The following XPR1 variants were observed in gnomAD, a reference collection of about 807,000 sequenced individuals.
XPR1 encodes the protein solute carrier family 53 member 1.
A neutral mutation model predicts 87.5 loss-of-function variants in XPR1; 28 were observed. That is an observed-to-expected ratio of 0.32 (90% CI 0.24 to 0.44). XPR1 has a LOEUF of 0.44. Ranked by LOEUF, XPR1 falls within the 20% of genes least tolerant of loss-of-function variation. XPR1 has a pLI of 1.00. For synonymous variants in XPR1, 300 were observed against 306.1 expected, an observed-to-expected ratio of 0.98 and a Z score of 0.21; for missense variants, 559 against 862.3, an observed-to-expected ratio of 0.65 and a Z score of 4.41.
chr1:180,779,517 G>A (rs1648855020), intron 2 of XPR1, among the ~76,000 whole-genome samples: 1 of 152,132 alleles, frequency 6.6e-6, no homozygotes, highest in African/African-American at 2.4e-5. Flanking sequence ...CATTTTGGGA[G>A]GCTGAGGCAG....
At chr1:180,791,716 G>A (rs1490138778) in intron 3 of XPR1, among the ~76,000 whole-genome samples, 1 of 152,098 alleles carries the variant, frequency 6.6e-6, no homozygotes, top group East Asian at 1.9e-4. Flanking sequence ...TCATGAAACA[G>A]TACATCTTTA....
chr1:180,659,389 T>G (rs140833721), intron 1 of XPR1, among the ~76,000 whole-genome samples: 830 of 29,158 alleles, frequency 0.028, 22 homozygotes, highest in African/African-American at 0.1. Flanking sequence ...CCGTCCTTCC[T>G]TCCTTCCTTC....
At chr1:180,749,639 T>TCTCACACACACACACA (rs1256087509) in intron 2 of XPR1, among the ~76,000 whole-genome samples, 1 of 142,342 alleles carries the variant, frequency 7.0e-6, no homozygotes, top group Admixed American at 7.0e-5. Context: ...CACATATACA[T>TCTCACACACACACACA]CACACACACA....
intron 12 of XPR1, 81 bp from the exon 13 acceptor site, chr1:180,873,722 T>C: frequency 6.7e-7 from 1 of 1,493,312 alleles, no homozygotes; most frequent in South Asian, 1.3e-5. Context: ...TGAGTCTTGT[T>C]TGTAGGACAT....
chr1:180,758,774 A>G (rs1184515375), intron 2 of XPR1: 2 of 110,210 alleles, frequency 1.8e-5, no homozygotes, highest in Non-Finnish European at 4.0e-5. Flanking sequence ...AGAGAAGATT[A>G]GCATGAGGAT....
intron 2 of XPR1, among the ~76,000 whole-genome samples, chr1:180,738,595 T>C (rs1204927984): frequency 6.6e-6 from 1 of 152,208 alleles, no homozygotes; most frequent in Non-Finnish European, 1.5e-5. Context: ...ACCATCACAA[T>C]CTTAAGGTTA....
intron 3 of XPR1, among the ~76,000 whole-genome samples, chr1:180,795,855 T>TGG (rs1261889438): frequency 1.3e-5 from 2 of 152,200 alleles, no homozygotes. Flanking sequence ...TCACCCAGGC[T>TGG]GGAATGTGGT....
At chr1:180,836,193 T>C (rs1651284448) in intron 10 of XPR1, among the ~76,000 whole-genome samples, 1 of 151,962 alleles carries the variant, frequency 6.6e-6, no homozygotes, top group East Asian at 1.9e-4. Flanking sequence ...ACCCCATGTC[T>C]ACTAAAAATA....
At chr1:180,883,930 A>G in intron 14 of XPR1, 76 bp from the exon 15 acceptor site, 1 of 1,307,006 alleles carries the variant, frequency 7.7e-7, no homozygotes, top group Non-Finnish European at 1.1e-6. Context: ...TAAGACTGGA[A>G]ATGTGTCTAA....
chr1:180,853,383 A>G (rs555498840), intron 11 of XPR1, among the ~76,000 whole-genome samples: 3 of 152,070 alleles, frequency 2.0e-5, no homozygotes, highest in African/African-American at 4.8e-5. Flanking sequence ...TTTGGCTTCT[A>G]ATATTTCTAT....
intron 14 of XPR1, among the ~76,000 whole-genome samples, chr1:180,883,730 G>A (rs1571258988): frequency 7.0e-6 from 1 of 143,566 alleles, no homozygotes; most frequent in Admixed American, 6.9e-5. Context: ...AAAAATCAAA[G>A]TCAGTACTCA....
At chr1:180,704,889 A>G (rs1420172468) in intron 2 of XPR1, among the ~76,000 whole-genome samples, 2 of 137,430 alleles carry the variant, frequency 1.5e-5, no homozygotes, top group Admixed American at 1.7e-4. Flanking sequence ...CATACTGGAC[A>G]CTGCTTTGGA....
chr1:180,865,902 C>T (rs1358006581), intron 12 of XPR1, among the ~76,000 whole-genome samples: 2 of 152,108 alleles, frequency 1.3e-5, no homozygotes, highest in Admixed American at 1.3e-4. Context: ...TGCTGGATCA[C>T]CACATTCCTT....
chr1:180,881,567 A>G (rs1652854272), intron 14 of XPR1, among the ~76,000 whole-genome samples: 1 of 152,230 alleles, frequency 6.6e-6, no homozygotes, highest in Admixed American at 6.5e-5. Context: ...GGAAAAACTG[A>G]AGGCCAGAAA....
At chr1:180,654,495 C>T (rs747657780) in intron 1 of XPR1, among the ~76,000 whole-genome samples, 8 of 151,826 alleles carry the variant, frequency 5.3e-5, no homozygotes, top group East Asian at 1.9e-4. Flanking sequence ...GTTGTGCAAC[C>T]GTCTCTACCA....
intron 11 of XPR1, among the ~76,000 whole-genome samples, chr1:180,857,195 C>A (rs1558040966): frequency 6.6e-6 from 1 of 152,118 alleles, no homozygotes; most frequent in African/African-American, 2.4e-5. Context: ...GGTTCCTTGT[C>A]AGTACCCAAG....
At chr1:180,805,963 C>T (rs1015862072) in intron 4 of XPR1, 99 bp from the exon 5 acceptor site, 6 of 1,321,162 alleles carry the variant, frequency 4.5e-6, no homozygotes, top group Non-Finnish European at 6.1e-6. Context: ...AGTACTTAAT[C>T]TTTGTCCAGC....
intron 11 of XPR1, among the ~76,000 whole-genome samples, chr1:180,838,876 A>G (rs1651403359): frequency 6.6e-6 from 1 of 152,162 alleles, no homozygotes; most frequent in East Asian, 1.9e-4. Flanking sequence ...TAAGAGATTA[A>G]TTTGTTTTCT....
chr1:180,771,523 GT>G (rs763383826), intron 2 of XPR1, among the ~76,000 whole-genome samples: 2 of 152,028 alleles, frequency 1.3e-5, no homozygotes, highest in Non-Finnish European at 2.9e-5. Context: ...GTTTTACCAG[GT>G]TTTTTTCTTC....
Sources: gnomAD v4.1 joint callset for allele counts (sites outside exome capture counted in the v4.1 genomes callset) on GRCh38, gnomAD v4.1.1 for gene constraint, MANE v1.5 for transcripts, NCBI Gene and HGNC (gene_info 2026-07-23, HGNC 2026-07-21) for gene names.